INPP5A: variants seen among roughly 807,000 people sequenced by gnomAD.
INPP5A encodes inositol polyphosphate-5-phosphatase A.
Under a neutral mutation model 65.2 loss-of-function variants are expected in INPP5A, and 14 were observed. The ratio of observed to expected loss-of-function variants is 0.21; its 90% CI spans 0.14 to 0.34. INPP5A has a LOEUF of 0.34. INPP5A is among the 10% of genes least tolerant of loss of function. INPP5A has a pLI of 1.00. For missense variants in INPP5A, 431 were observed against 545.6 expected (o/e 0.79, Z 2.09); for synonymous variants, 207 against 208.3 (o/e 0.99, Z 0.05).
At chr10:132,731,058 C>T (rs1232608772) in intron 9 of INPP5A, among the ~76,000 whole-genome samples, 4 of 152,198 alleles carry the variant, frequency 2.6e-5, no homozygotes. Context: ...TCCCTGTTCT[C>T]GGAACCACAG....
At chr10:132,645,804 T>G (rs1590891061) in intron 2 of INPP5A, 64 bp from the exon 3 acceptor site, 2 of 1,268,560 alleles carry the variant, frequency 1.6e-6, no homozygotes, top group Non-Finnish European at 2.2e-6. Context: ...GTGGAGGGGG[T>G]GGTGCCACGT....
chr10:132,620,045 A>T (rs991120827), intron 2 of INPP5A, among the ~76,000 whole-genome samples: 9 of 152,160 alleles, frequency 5.9e-5, no homozygotes, highest in Non-Finnish European at 1.2e-4. Flanking sequence ...CTTTGAGCTG[A>T]GGCTGGAGCT....
chr10:132,680,434 C>T (rs1406038732), intron 4 of INPP5A, among the ~76,000 whole-genome samples: 6 of 152,228 alleles, frequency 3.9e-5, no homozygotes, highest in Non-Finnish European at 5.9e-5. Context: ...TGCAAAATAC[C>T]TTATACCCAT....
rs909691182 is a variant in INPP5A, at chr10:132,550,767, G to A, written c.75+12596G>A. Among the ~76,000 whole-genome samples, 1 of 152,252 alleles carries A rather than the reference G, an allele frequency of 6.6e-6. No homozygotes were observed. Among genetic ancestry groups the A allele is most frequent in the Non-Finnish European group, 1.5e-5 (1 of 68,042 alleles). ...GACGGTGGAGGTGGCAGCCGCCAGA[G>A]TGTGAGGGGCCATGGTCGCTGACCT... On this transcript the variant is annotated intron_variant, in intron 1 of 15. Transcript: ENST00000368594. This position sits in a 1 kb window ranked among gnomAD's most constrained non-coding sequence, Gnocchi z 4.2.
At chr10:132,623,126 TAGAACTCTATA>T (rs938378041) in intron 2 of INPP5A, among the ~76,000 whole-genome samples, 1 of 152,240 alleles carries the variant, frequency 6.6e-6, no homozygotes, top group African/African-American at 2.4e-5. Context: ...TTTTTTTTTG[TAGAACTCTATA>T]AGATTATTCT....
Position 132,705,034 on chromosome 10 carries a change from C to T in INPP5A, c.475-3279C>T, listed in dbSNP as rs554573394. Among the ~76,000 whole-genome samples, 19 of 152,090 alleles carry T rather than the reference C, an allele frequency of 1.2e-4. No homozygotes were observed. In the East Asian group the frequency reaches 2.1e-3, roughly 17 times the overall value. On this transcript the variant is annotated intron_variant, in intron 6 of 15. Coordinates refer to ENST00000368594, the MANE Select transcript of INPP5A (RefSeq NM_005539.5). This position sits in a 1 kb window ranked among gnomAD's most constrained non-coding sequence, Gnocchi z 4.9. ...GAAGGGCGTCTGGACAGGTGGCAGG[C>T]GGCTCGTCTGGAGTGCAGGCTGAGT...
rs1590941594 is a variant in INPP5A at position 132,707,689 on chromosome 10, T to C, written c.475-624T>C. Among the ~76,000 whole-genome samples the C allele has an allele frequency of 6.6e-6, 1 of 152,188 alleles. No individual in the cohort carries two copies. Among genetic ancestry groups the C allele is most frequent in the Non-Finnish European group, 1.5e-5 (1 of 68,032 alleles). On this transcript the variant is annotated intron_variant, in intron 6 of 15. Coordinates refer to ENST00000368594, the MANE Select transcript of INPP5A (RefSeq NM_005539.5). The surrounding 1 kb of genome is among the most constrained non-coding windows in gnomAD (Gnocchi z 5.5). ...AACACCCCTCTTTGGAATCTCATGCTGTTGACTGTTTCACTTGAATTTTGG... is the reference window on the plus strand; with the variant it reads ...AACACCCCTCTTTGGAATCTCATGCCGTTGACTGTTTCACTTGAATTTTGG...
chr10:132,774,181 A>G (rs1234360181), intron 12 of INPP5A, among the ~76,000 whole-genome samples: 1 of 152,192 alleles, frequency 6.6e-6, no homozygotes, highest in Admixed American at 6.5e-5. Flanking sequence ...CTTTTCAGGA[A>G]TTCCAGTGGC....
intron 1 of INPP5A, among the ~76,000 whole-genome samples, chr10:132,559,296 G>T (rs1337386998): frequency 6.6e-6 from 1 of 152,228 alleles, no homozygotes; most frequent in Non-Finnish European, 1.5e-5. Context: ...CATCAGTGGG[G>T]GGTTAGTCCT....
chr10:132,701,226 C>T (rs1215323164), intron 6 of INPP5A, among the ~76,000 whole-genome samples: 1 of 152,204 alleles, frequency 6.6e-6, no homozygotes, highest in Non-Finnish European at 1.5e-5. Flanking sequence ...AGAGAGACTT[C>T]ATATCATCAG....
At chr10:132,541,575 A>G (rs1015766748) in intron 1 of INPP5A, among the ~76,000 whole-genome samples, 1 of 152,168 alleles carries the variant, frequency 6.6e-6, no homozygotes, top group African/African-American at 2.4e-5. Flanking sequence ...GTTGGTTATA[A>G]CTACCAATAT....
At chr10:132,776,615 C>T (rs952646520) in intron 12 of INPP5A, among the ~76,000 whole-genome samples, 5 of 152,310 alleles carry the variant, frequency 3.3e-5, no homozygotes, top group East Asian at 1.9e-4. Context: ...TAAGCAGAGA[C>T]GCTGCACTTA....
intron 9 of INPP5A, among the ~76,000 whole-genome samples, chr10:132,740,132 G>T (rs1332216131): frequency 6.6e-6 from 1 of 152,212 alleles, no homozygotes; most frequent in Non-Finnish European, 1.5e-5. Flanking sequence ...CCAAGGAATG[G>T]CTAACCCCAC....
chr10:132,621,808 T>C (rs1265692463), intron 2 of INPP5A, among the ~76,000 whole-genome samples: 2 of 151,034 alleles, frequency 1.3e-5, no homozygotes, highest in East Asian at 3.9e-4. Flanking sequence ...TTTAAATCTG[T>C]GTAGCTGTCT....
chr10:132,698,962 G>A lies in INPP5A; in HGVS notation c.474+1043G>A, dbSNP rs114412063. 0.018 allele frequency among the ~76,000 whole-genome samples: 2,725 copies of A among 152,304 alleles called. 84 individuals carry two copies. Among genetic ancestry groups the A allele is most frequent in the African/African-American group, 0.062 (2,576 of 41,548 alleles). On this transcript the variant is annotated intron_variant, in intron 6 of 15. Coordinates refer to ENST00000368594, the MANE Select transcript of INPP5A (RefSeq NM_005539.5). This position sits in a 1 kb window ranked among gnomAD's most constrained non-coding sequence, Gnocchi z 5.5. ...GGTGCTCCTGTCACCCTGTGGCTCG[G>A]CCTCCTCATCCGTCTTCCCAAGGCC...
intron 8 of INPP5A, among the ~76,000 whole-genome samples, chr10:132,713,971 C>G (rs1845695213): frequency 6.6e-6 from 1 of 152,158 alleles, no homozygotes; most frequent in African/African-American, 2.4e-5. Flanking sequence ...AGGGCCTCAC[C>G]CACAGGAGCG....
At chr10:132,691,805 G>A (rs1419873004) in intron 5 of INPP5A, among the ~76,000 whole-genome samples, 3 of 151,992 alleles carry the variant, frequency 2.0e-5, no homozygotes, top group Non-Finnish European at 2.9e-5. Flanking sequence ...GTGGACATGG[G>A]AGACGTGCGG....
At chr10:132,643,156 C>T (rs2085560273) in intron 2 of INPP5A, among the ~76,000 whole-genome samples, 1 of 152,008 alleles carries the variant, frequency 6.6e-6, no homozygotes, top group South Asian at 2.1e-4. Flanking sequence ...TTTTTTCTCC[C>T]ATAGAGGTAT....
rs1016813731 is a variant in INPP5A at position 132,627,842 on chromosome 10, A to T, written c.118-18026A>T. Among the ~76,000 whole-genome samples, 2 of 152,088 alleles carry T rather than the reference A, an allele frequency of 1.3e-5. No individual in the cohort carries two copies. Among genetic ancestry groups the T allele is most frequent in the African/African-American group, 4.8e-5 (2 of 41,410 alleles). On this transcript the variant is annotated intron_variant, in intron 2 of 15. Transcript: ENST00000368594. This position sits in a 1 kb window ranked among gnomAD's most constrained non-coding sequence, Gnocchi z 6.6. ...GAGGACCTTTGGTTGGAGTATTGGA[A>T]ACCGGGAGGGGTGAGGCCGTGGAGA...
Sources: gnomAD v4.1 joint callset for allele counts (sites outside exome capture counted in the v4.1 genomes callset) on GRCh38, gnomAD v4.1.1 for gene constraint, Gnocchi (gnomAD v3.1) non-coding constraint, MANE v1.5 for transcripts, NCBI Gene and HGNC (gene_info 2026-07-23, HGNC 2026-07-21) for gene names.